OXR1: variants seen among roughly 807,000 people sequenced by gnomAD.
OXR1 encodes oxidation resistance protein 1.
In OXR1, 41 loss-of-function variants were observed where a neutral mutation model predicts 104.6. That is an observed-to-expected ratio of 0.39 (90% confidence interval 0.31 to 0.51). The LOEUF is 0.51. Among genes scored for constraint, OXR1 ranks in the 20% least tolerant of loss-of-function variants. OXR1 has a pLI of 0.77. For missense variants in OXR1, 955 were observed against 1,031.9 expected, an observed-to-expected ratio of 0.93 and a Z score of 1.02; for synonymous variants, 348 against 348.4, an observed-to-expected ratio of 1.00 and a Z score of 0.01.
At chr8:106,485,904 A>T (rs1426531484) in intron 2 of OXR1, among the ~76,000 whole-genome samples, 1 of 146,908 alleles carries the variant, frequency 6.8e-6, no homozygotes, top group Non-Finnish European at 1.5e-5. Context: ...AACCTAAAAA[A>T]GTTGATCTCA....
At chr8:106,280,536 T>C (rs943758394) in intron 1 of OXR1, among the ~76,000 whole-genome samples, 37 of 152,164 alleles carry the variant, frequency 2.4e-4, no homozygotes, top group African/African-American at 8.7e-4. Flanking sequence ...CTCAAATTCA[T>C]AGAGACAGAA....
At chr8:106,507,199 T>TA (rs1404184321) in intron 2 of OXR1, among the ~76,000 whole-genome samples, 2 of 152,162 alleles carry the variant, frequency 1.3e-5, no homozygotes, top group Non-Finnish European at 2.9e-5. Context: ...AGGGAGTGGT[T>TA]AAAAAAAGTT....
intron 3 of OXR1, among the ~76,000 whole-genome samples, chr8:106,661,412 G>C (rs1825753355): frequency 6.6e-6 from 1 of 152,100 alleles, no homozygotes; most frequent in Admixed American, 6.5e-5. Context: ...CATTGATCTA[G>C]TTAATAACAA....
chr8:106,641,610 C>A (rs1586949807), intron 3 of OXR1, among the ~76,000 whole-genome samples: 1 of 152,038 alleles, frequency 6.6e-6, no homozygotes, highest in Non-Finnish European at 1.5e-5. Context: ...TAGTAGCATA[C>A]CCAAAAAATC....
chr8:106,320,802 C>T (rs1234103961), intron 1 of OXR1, among the ~76,000 whole-genome samples: 2 of 151,888 alleles, frequency 1.3e-5, no homozygotes, highest in Non-Finnish European at 2.9e-5. Context: ...CTCCCGAGTT[C>T]CTGGGATTAC....
chr8:106,486,446 T>A (rs1369330468), intron 2 of OXR1, among the ~76,000 whole-genome samples: 1 of 152,112 alleles, frequency 6.6e-6, no homozygotes, highest in African/African-American at 2.4e-5. Flanking sequence ...AAGTAAGACA[T>A]ATTAAGGAAT....
intron 1 of OXR1, among the ~76,000 whole-genome samples, chr8:106,275,763 C>G (rs887187117): frequency 2.6e-5 from 4 of 152,020 alleles, no homozygotes; most frequent in Non-Finnish European, 5.9e-5. Context: ...TTATGTTGTT[C>G]TTGTTGAATT....
At chr8:106,583,215 G>T (rs185085601) in intron 3 of OXR1, among the ~76,000 whole-genome samples, 36 of 152,106 alleles carry the variant, frequency 2.4e-4, no homozygotes, top group Admixed American at 1.3e-4. Context: ...CCACTGACTC[G>T]TGACTCTAAT....
In OXR1 at chr8:106,691,420, T is replaced by C. The variant is rs559396798; in HGVS notation, c.526-1308T>C. On this transcript the variant is annotated intron_variant, in intron 6 of 16. Coordinates refer to ENST00000517566, the MANE Select transcript of OXR1 (RefSeq NM_001198533.2). The stretch of plus-strand genomic sequence containing the variant: ...AATTCCTCTGAACAACTTTGATCTT[T>C]TTTGAAAGTAATCTCCTTTTTTGTG... Among the ~76,000 whole-genome samples the C allele has an allele frequency of 3.0e-4, 46 of 152,046 alleles. 1 individual carries two copies. The highest frequency in any genetic ancestry group is 5.7e-4 in the Non-Finnish European group (39 of 67,870).
intron 3 of OXR1, among the ~76,000 whole-genome samples, chr8:106,556,982 A>T (rs1226838161): frequency 1.3e-5 from 2 of 152,130 alleles, no homozygotes; most frequent in Non-Finnish European, 2.9e-5. Flanking sequence ...AACCTTGAAG[A>T]TATTTACGCA....
chr8:106,287,039 G>A (rs1812529630), intron 1 of OXR1, among the ~76,000 whole-genome samples: 1 of 152,076 alleles, frequency 6.6e-6, no homozygotes, highest in African/African-American at 2.4e-5. Flanking sequence ...GTAGGTATCA[G>A]TTTCTTACAG....
At chr8:106,479,430 A>T (rs947885890) in intron 2 of OXR1, among the ~76,000 whole-genome samples, 1 of 151,984 alleles carries the variant, frequency 6.6e-6, no homozygotes, top group African/African-American at 2.4e-5. Context: ...TCTGTAGTAT[A>T]ACTTTGGATT....
At chr8:106,688,761 G>T (rs1828996685) in intron 6 of OXR1, among the ~76,000 whole-genome samples, 1 of 152,080 alleles carries the variant, frequency 6.6e-6, no homozygotes, top group Admixed American at 6.6e-5. Context: ...AAGAATGATG[G>T]TTAGTAAGTG....
At chr8:106,706,274 C>A in intron 8 of OXR1, 108 bp from the exon 9 acceptor site, 1 of 680,988 alleles carries the variant, frequency 1.5e-6, no homozygotes, top group Non-Finnish European at 2.3e-6. Context: ...GTGCTACATC[C>A]TTTTGTTAAA....
intron 7 of OXR1, chr8:106,697,627 A>G (rs1213439479): frequency 1.2e-6 from 2 of 1,613,540 alleles, no homozygotes; most frequent in African/African-American, 2.7e-5. Flanking sequence ...CAGATTCCTC[A>G]GCGTCCGCTG....
At chr8:106,319,155 A>G (rs1163338120) in intron 1 of OXR1, among the ~76,000 whole-genome samples, 1 of 152,198 alleles carries the variant, frequency 6.6e-6, no homozygotes, top group African/African-American at 2.4e-5. Flanking sequence ...TGATTGCTTC[A>G]TGGGTTCTTA....
chr8:106,586,962 G>A (rs1818678660), intron 3 of OXR1, among the ~76,000 whole-genome samples: 1 of 152,184 alleles, frequency 6.6e-6, no homozygotes, highest in African/African-American at 2.4e-5. Flanking sequence ...GGTAATTAGG[G>A]AAAATTTCTA....
intron 3 of OXR1, among the ~76,000 whole-genome samples, chr8:106,602,600 A>G (rs1820054575): frequency 6.6e-6 from 1 of 152,184 alleles, no homozygotes; most frequent in Non-Finnish European, 1.5e-5. Flanking sequence ...GAGTGGTGGA[A>G]GATGGTGTTC....
At chr8:106,659,415 G>C (rs1825517559) in intron 3 of OXR1, among the ~76,000 whole-genome samples, 1 of 152,122 alleles carries the variant, frequency 6.6e-6, no homozygotes, top group Admixed American at 6.5e-5. Flanking sequence ...TTTATCTTTA[G>C]AAATGCTGTT....
Sources: gnomAD v4.1 joint callset for allele counts (sites outside exome capture counted in the v4.1 genomes callset) on GRCh38, gnomAD v4.1.1 for gene constraint, MANE v1.5 for transcripts, NCBI Gene and HGNC (gene_info 2026-07-23, HGNC 2026-07-21) for gene names.